The following MEST variants were observed in gnomAD, a reference collection of about 807,000 sequenced individuals.
The protein encoded by MEST is mesoderm specific transcript.
MEST carries 18 observed loss-of-function variants against 50.9 expected under a neutral mutation model. The ratio of observed to expected loss-of-function variants is 0.35; its 90% confidence interval spans 0.24 to 0.52. MEST has a LOEUF of 0.52. MEST is among the 20% of genes least tolerant of loss of function. The pLI, the probability that MEST is intolerant of heterozygous loss-of-function variation, is 0.94. For synonymous variants in MEST, 130 were observed against 154.1 expected, an observed-to-expected ratio of 0.84 and a Z score of 1.16; for missense variants, 282 against 425.3, an observed-to-expected ratio of 0.66 and a Z score of 2.96.
Position 130,497,232 on chromosome 7 carries a change from C to T in MEST, c.258C>T (p.Tyr86=). The T allele has an allele frequency of 6.2e-7, 1 of 1,611,618 alleles. No individual in the cohort carries two copies. Among genetic ancestry groups the T allele is most frequent in the African/African-American group, 1.3e-5 (1 of 74,846 alleles). Residue 86 remains tyrosine, a synonymous_variant, in exon 3 of 12, where the codon TAC becomes TAT. Coordinates refer to ENST00000223215, the MANE Select transcript of MEST (RefSeq NM_002402.4). The surrounding 1 kb of genome is among the most constrained non-coding windows in gnomAD (Gnocchi z 4.0). ...HGFPTSSYDW[Y]KIWEGLTLRF... is the part of the protein sequence containing the mutation. ...TTCCAACATCCAGCTACGACTGGTA[C>T]AAGGTAATGAAGTCAGACTTCTACG...
In MEST at chr7:130,492,578, CG is replaced by C. The variant is rs1177035333; in HGVS notation, c.26+240del. 8.0e-6 allele frequency: 3 copies of C among 376,742 alleles called. No homozygotes were observed. Among genetic ancestry groups the C allele is most frequent in the African/African-American group, 6.3e-5 (3 of 47,886 alleles). 23.3% of individuals were successfully genotyped at this position (376,742 alleles called of 1,614,324 possible). On this transcript the variant is annotated intron_variant, in intron 1 of 11. Coordinates refer to ENST00000223215, the MANE Select transcript of MEST (RefSeq NM_002402.4). This position sits in a 1 kb window ranked among gnomAD's most constrained non-coding sequence, Gnocchi z 7.6. ...GGTTAGGATTTCTAGACCCCGGGATCGTCGTGGTGAGATTTAGGATTTCTGG... is the reference window on the plus strand; with the variant it reads ...GGTTAGGATTTCTAGACCCCGGGATCTCGTGGTGAGATTTAGGATTTCTGG...
Position 130,492,532 on chromosome 7 carries a change from T to G in MEST, c.26+193T>G, listed in dbSNP as rs1204046253. 2.2e-5 allele frequency: 9 copies of G among 410,238 alleles called. No homozygotes were observed. The highest frequency in any genetic ancestry group is 3.8e-5 in the Non-Finnish European group (9 of 239,654). 25.4% of individuals were successfully genotyped at this position (410,238 alleles called of 1,614,324 possible). On this transcript the variant is annotated intron_variant, in intron 1 of 11. Coordinates refer to ENST00000223215, the MANE Select transcript of MEST (RefSeq NM_002402.4). The surrounding 1 kb of genome is among the most constrained non-coding windows in gnomAD (Gnocchi z 7.6). ...GTCACTCCTGCCCGCAATGGAATGT[T>G]CAGAACGCGGGACCTCCTTGGGTTA... is the stretch of plus-strand genomic sequence containing the variant.
At chr7:130,503,174 G>A (rs1274958290) in intron 10 of MEST, among the ~76,000 whole-genome samples, 2 of 152,180 alleles carry the variant, frequency 1.3e-5, no homozygotes, top group Non-Finnish European at 2.9e-5. Flanking sequence ...TAGGTGGTTT[G>A]TGCTTATTTG....
upstream of MEST, chr7:130,490,898 C>T (rs963952264): frequency 6.6e-6 from 1 of 152,314 alleles, no homozygotes; most frequent in African/African-American, 2.4e-5. Context: ...TCCTCAGTGT[C>T]CGTGGGTCGC....
chr7:130,500,719 G>A lies in MEST; in HGVS notation c.648-70G>A. 1 of 1,373,922 alleles carries A rather than the reference G, an allele frequency of 7.3e-7. No homozygotes were observed. The highest frequency in any genetic ancestry group is 1.0e-6 in the Non-Finnish European group (1 of 990,888). The allele number at this position is 1,373,922 out of a possible 1,614,324, so 85.1% of individuals were successfully genotyped here. The stretch of plus-strand genomic sequence containing the variant: ...GCATGGCCCAGACTGCATGGCCTCT[G>A]AGGTTCCAGCCATATTGAACATTCT... On this transcript the variant is annotated intron_variant, in intron 8 of 11. Coordinates refer to ENST00000223215, the MANE Select transcript of MEST (RefSeq NM_002402.4). This position sits in a 1 kb window ranked among gnomAD's most constrained non-coding sequence, Gnocchi z 5.0.
chr7:130,498,019 C>T lies in MEST; in HGVS notation c.339+6C>T. On this transcript the variant is annotated splice_donor_region_variant and intron_variant, in intron 4 of 11. Transcript: ENST00000223215. ...TTGGCTTCAGTGACAAACCGGTAAG[C>T]AGCACCTATGTGGGGCTGGTGATGG... 2 of 1,614,190 alleles carry T rather than the reference C, an allele frequency of 1.2e-6. No homozygotes were observed. Among genetic ancestry groups the T allele is most frequent in the East Asian group, 2.2e-5 (1 of 44,882 alleles).
chr7:130,503,625 A>G (rs1051180173), intron 10 of MEST, among the ~76,000 whole-genome samples: 1 of 152,192 alleles, frequency 6.6e-6, no homozygotes, highest in Non-Finnish European at 1.5e-5. Context: ...TCTGGGCAAC[A>G]TAGTGAGAAA....
chr7:130,497,728 C>T lies in MEST; in HGVS notation c.262-208C>T. 1.7e-6 allele frequency: 1 copy of T among 592,414 alleles called. No homozygotes were observed. The highest frequency in any genetic ancestry group is 3.0e-6 in the Non-Finnish European group (1 of 331,584). The allele number at this position is 592,414 out of a possible 1,614,324, so 36.7% of individuals were successfully genotyped here. On this transcript the variant is annotated intron_variant, in intron 3 of 11. Transcript: ENST00000223215. This position sits in a 1 kb window ranked among gnomAD's most constrained non-coding sequence, Gnocchi z 4.0. ...TTGGCACTCTGGAAGGGATCACTGC[C>T]AAGTTACCCTCCCTCAACAGGGATT...
At chr7:130,504,166 T>C (rs1584952956) in intron 11 of MEST, among the ~76,000 whole-genome samples, 170 bp downstream of exon 11, 1 of 152,254 alleles carries the variant, frequency 6.6e-6, no homozygotes, top group Admixed American at 6.5e-5. Flanking sequence ...CTAACATAAT[T>C]GTAGTATCAA....
chr7:130,496,135 A>G, intron 2 of MEST: 1 of 469,478 alleles, frequency 2.1e-6, no homozygotes, highest in South Asian at 1.6e-5. Context: ...GTCAAGAGCA[A>G]TAACGAAAAA....
intron 11 of MEST, 121 bp from the exon 12 acceptor site, chr7:130,504,818 G>A: frequency 1.5e-6 from 1 of 656,968 alleles, no homozygotes; most frequent in East Asian, 2.5e-5. Context: ...AGGTGAATAA[G>A]CTCTTTGGTG....
upstream of MEST, among the ~76,000 whole-genome samples, chr7:130,490,316 G>T (rs1250683005): frequency 2.6e-5 from 4 of 152,026 alleles, no homozygotes; most frequent in African/African-American, 9.7e-5. Context: ...TTTTTTGCCG[G>T]CTCAAAGGAC....
rs1350964216 is a variant in MEST, at chr7:130,505,630, GA to G, written c.*575del. On this transcript the variant is annotated 3_prime_UTR_variant, in exon 12 of 12. Coordinates refer to ENST00000223215, the MANE Select transcript of MEST (RefSeq NM_002402.4). The stretch of plus-strand genomic sequence containing the variant: ...TGTTAAAATAGATATTGGTTTAAAT[GA>G]TACAGTATTTTAGGTATGATTTAAG... 1 of 152,274 alleles carries G rather than the reference GA, an allele frequency of 6.6e-6. No individual in the cohort carries two copies. Among genetic ancestry groups the G allele is most frequent in the Non-Finnish European group, 1.5e-5 (1 of 68,130 alleles). 9.4% of individuals were successfully genotyped at this position (152,274 alleles called of 1,614,324 possible).
At chr7:130,501,278 G>C (rs1799268962) in intron 9 of MEST, among the ~76,000 whole-genome samples, 1 of 152,192 alleles carries the variant, frequency 6.6e-6, no homozygotes, top group Non-Finnish European at 1.5e-5. Context: ...AAGGGACCCA[G>C]AGGTGGTGAT....
intron 6 of MEST, among the ~76,000 whole-genome samples, chr7:130,499,027 T>C (rs1252259298): frequency 6.6e-6 from 1 of 152,204 alleles, no homozygotes; most frequent in African/African-American, 2.4e-5. Flanking sequence ...TCATCAATGT[T>C]TTAAAGAAAG....
Position 130,492,403 on chromosome 7 carries a change from G to C in MEST, c.26+64G>C. On this transcript the variant is annotated intron_variant, in intron 1 of 11. Transcript: ENST00000223215. The surrounding 1 kb of genome is among the most constrained non-coding windows in gnomAD (Gnocchi z 7.6). ...CCCTGGGACTAGGGCGCAGGCGAGCGGAGGACTGTGTGCCCGTGTCCGAGC... is the reference window on the plus strand; with the variant it reads ...CCCTGGGACTAGGGCGCAGGCGAGCCGAGGACTGTGTGCCCGTGTCCGAGC... The C allele has an allele frequency of 1.1e-5, 13 of 1,218,836 alleles. No homozygotes were observed. Among genetic ancestry groups the C allele is most frequent in the Non-Finnish European group, 1.3e-5 (13 of 965,022 alleles). The allele number at this position is 1,218,836 out of a possible 1,614,324, so 75.5% of individuals were successfully genotyped here.
Position 130,500,010 on chromosome 7 carries a change from G to A in MEST, c.576+95G>A. Reference sequence around the variant, plus strand: ...AGGGCCATAGCTCCTGTAACTGGCAGTAGTTAAATCCTCTTCCTTGTGAAT... The same window carrying A: ...AGGGCCATAGCTCCTGTAACTGGCAATAGTTAAATCCTCTTCCTTGTGAAT... On this transcript the variant is annotated intron_variant, in intron 7 of 11. Transcript: ENST00000223215. The surrounding 1 kb of genome is among the most constrained non-coding windows in gnomAD (Gnocchi z 5.0). 2.0e-6 allele frequency: 2 copies of A among 1,010,772 alleles called. No individual in the cohort carries two copies. The highest frequency in any genetic ancestry group is 3.0e-6 in the Non-Finnish European group (2 of 673,290). The allele number at this position is 1,010,772 out of a possible 1,614,324, so 62.6% of individuals were successfully genotyped here. A position where few individuals can be genotyped will look rare whatever the true frequency, so the allele number is the denominator to read the frequency against.
intron 6 of MEST, among the ~76,000 whole-genome samples, chr7:130,499,515 A>G (rs782378786): frequency 2.0e-5 from 3 of 152,230 alleles, no homozygotes; most frequent in East Asian, 1.9e-4. Context: ...CCGTTTCACT[A>G]TCTTTAAGAT....
rs1404177492 is a variant in MEST, at chr7:130,503,945, A to G, written c.839A>G (p.Tyr280Cys). The change falls in exon 11 of 12, where the codon TAT becomes TGT. Residue 280 changes from tyrosine to cysteine, a missense_variant. Transcript: ENST00000223215. ...TTCTCTTTTCTAGTTCATTTTATCT[A>G]TGGGCCATTGGATCCTGTAAATCCC... ...ASVTIPIHFI[Y>C]GPLDPVNPYP... is the part of the protein sequence containing the mutation. 5 of 1,612,772 alleles carry G rather than the reference A, an allele frequency of 3.1e-6. No individual in the cohort carries two copies. Among genetic ancestry groups the G allele is most frequent in the East Asian group, 2.2e-5 (1 of 44,860 alleles).
Sources: allele counts gnomAD v4.1 joint callset (sites outside exome capture counted in the v4.1 genomes callset), GRCh38; gene constraint gnomAD v4.1.1; non-coding constraint Gnocchi (gnomAD v3.1); transcripts MANE v1.5; gene names NCBI Gene and HGNC (gene_info 2026-07-23, HGNC 2026-07-21).